NRF1: variants seen among roughly 807,000 people sequenced by gnomAD.
The protein encoded by NRF1 is alpha palindromic-binding protein.
Under a neutral mutation model 58.5 loss-of-function variants are expected in NRF1, and 5 were observed. The ratio of observed to expected loss-of-function variants is 0.09; its 90% confidence interval spans 0.04 to 0.18. The LOEUF is 0.18. NRF1 is among the 10% of genes least tolerant of loss of function. The pLI is 1.00. For synonymous variants in NRF1, 224 were observed against 246.7 expected, an observed-to-expected ratio of 0.91 and a Z score of 0.86; for missense variants, 288 against 657.7, an observed-to-expected ratio of 0.44 and a Z score of 6.15.
intron 9 of NRF1, 69 bp from the exon 10 acceptor site, chr7:129,727,172 G>A: frequency 6.8e-7 from 1 of 1,477,310 alleles, no homozygotes; most frequent in East Asian, 2.6e-5. Context: ...GGCATTGAAA[G>A]GATGGTTTGT....
intron 1 of NRF1, among the ~76,000 whole-genome samples, chr7:129,643,650 T>G (rs954195242): frequency 4.6e-5 from 7 of 152,222 alleles, no homozygotes; most frequent in African/African-American, 1.7e-4. Flanking sequence ...TATGTGTAGC[T>G]TCTGGTAAGC....
rs1477008624 is a variant in NRF1 at position 129,692,292 on chromosome 7, C to T, written c.606+1746C>T. Among the ~76,000 whole-genome samples the T allele has an allele frequency of 3.3e-5, 5 of 152,098 alleles. No homozygotes were observed. In the South Asian group the frequency reaches 6.2e-4, roughly 19 times the overall value. On this transcript the variant is annotated intron_variant, in intron 5 of 10. Coordinates refer to ENST00000393232, the MANE Select transcript of NRF1 (RefSeq NM_005011.5). Reference sequence around the variant, plus strand: ...TTTAAAAAACTTAAATCATGCCGGACGTTGTAGCTCATGCCTGTAATCAAG... The same window carrying T: ...TTTAAAAAACTTAAATCATGCCGGATGTTGTAGCTCATGCCTGTAATCAAG...
intron 5 of NRF1, among the ~76,000 whole-genome samples, chr7:129,707,710 T>C (rs1286044643): frequency 6.6e-6 from 1 of 152,144 alleles, no homozygotes; most frequent in Non-Finnish European, 1.5e-5. Flanking sequence ...ATATGGAGTG[T>C]ATTATATCAT....
intron 2 of NRF1, among the ~76,000 whole-genome samples, chr7:129,666,823 A>C (rs1469835867): frequency 6.6e-6 from 1 of 152,178 alleles, no homozygotes; most frequent in African/African-American, 2.4e-5. Flanking sequence ...GAGCCACCGC[A>C]TCCAGCCTGA....
chr7:129,629,426 A>G (rs1313297122), intron 1 of NRF1, among the ~76,000 whole-genome samples: 2 of 152,090 alleles, frequency 1.3e-5, no homozygotes, highest in East Asian at 3.9e-4. Context: ...TACAGCTGCC[A>G]CCACACGCCT....
chr7:129,717,145 T>C, intron 8 of NRF1, 74 bp from the exon 9 acceptor site: 1 of 1,454,550 alleles, frequency 6.9e-7, no homozygotes, highest in Non-Finnish European at 9.2e-7. Context: ...AAAGTAGCAA[T>C]TATTAGAAAA....
intron 10 of NRF1, among the ~76,000 whole-genome samples, chr7:129,752,045 C>G (rs1203259987): frequency 1.3e-5 from 2 of 152,180 alleles, no homozygotes; most frequent in Non-Finnish European, 2.9e-5. Context: ...TTGTGGCACA[C>G]TTTGTACTTC....
intron 10 of NRF1, among the ~76,000 whole-genome samples, chr7:129,740,795 C>G (rs932690903): frequency 6.6e-6 from 1 of 152,108 alleles, no homozygotes. Flanking sequence ...GGGGTGGCCT[C>G]GGGCATTCAT....
At chr7:129,661,430 A>G (rs2151077702) in intron 2 of NRF1, among the ~76,000 whole-genome samples, 1 of 151,184 alleles carries the variant, frequency 6.6e-6, no homozygotes, top group South Asian at 2.1e-4. Context: ...CTTCCCTTAT[A>G]AAACAATGCC....
intron 5 of NRF1, among the ~76,000 whole-genome samples, chr7:129,693,782 C>T (rs1802624796): frequency 6.6e-6 from 1 of 152,176 alleles, no homozygotes; most frequent in African/African-American, 2.4e-5. Flanking sequence ...AGAATCTACT[C>T]TGTCTCAGAT....
intron 9 of NRF1, among the ~76,000 whole-genome samples, chr7:129,723,309 G>A (rs933286826): frequency 6.6e-6 from 1 of 152,056 alleles, no homozygotes; most frequent in Admixed American, 6.5e-5. Context: ...CGGGCATGGT[G>A]GCGGGTGCCT....
At chr7:129,743,262 T>G (rs1308936173) in intron 10 of NRF1, among the ~76,000 whole-genome samples, 2 of 152,160 alleles carry the variant, frequency 1.3e-5, no homozygotes, top group African/African-American at 2.4e-5. Context: ...CTCCTTGGCC[T>G]TCTCCTAATT....
intron 10 of NRF1, among the ~76,000 whole-genome samples, chr7:129,732,213 G>A (rs1345954180): frequency 6.6e-6 from 1 of 152,172 alleles, no homozygotes; most frequent in Non-Finnish European, 1.5e-5. Context: ...TCCTATTGCA[G>A]CAAACGTAAT....
intron 4 of NRF1, among the ~76,000 whole-genome samples, chr7:129,683,985 A>G (rs750358720): frequency 3.9e-5 from 6 of 152,226 alleles, no homozygotes; most frequent in Non-Finnish European, 5.9e-5. Context: ...AACAAAAATG[A>G]TAACCAAAAA....
intron 8 of NRF1, among the ~76,000 whole-genome samples, chr7:129,716,941 A>G (rs1033290751): frequency 2.0e-5 from 3 of 151,948 alleles, no homozygotes; most frequent in Admixed American, 6.5e-5. Context: ...AACTCCTCTC[A>G]ACCCCACACA....
intron 4 of NRF1, among the ~76,000 whole-genome samples, chr7:129,684,724 C>T (rs1802405848): frequency 6.6e-6 from 1 of 152,116 alleles, no homozygotes; most frequent in South Asian, 2.1e-4. Flanking sequence ...GTGGGAGTTG[C>T]ATGCAATGTG....
intron 4 of NRF1, among the ~76,000 whole-genome samples, chr7:129,689,835 T>C (rs777467428): frequency 2.6e-5 from 4 of 152,218 alleles, no homozygotes; most frequent in Non-Finnish European, 5.9e-5. Context: ...TTACCAGTAG[T>C]GGCACTCAGC....
intron 4 of NRF1, among the ~76,000 whole-genome samples, chr7:129,688,272 G>A (rs1802485571): frequency 2.6e-5 from 4 of 152,038 alleles, no homozygotes; most frequent in Admixed American, 2.0e-4. Context: ...GACCACAGGT[G>A]CGCACTACCA....
At chr7:129,705,667 G>A (rs1261376915) in intron 5 of NRF1, among the ~76,000 whole-genome samples, 1 of 152,166 alleles carries the variant, frequency 6.6e-6, no homozygotes, top group Non-Finnish European at 1.5e-5. Context: ...TGAAATCCCA[G>A]CACTTTGGGT....
Sources: allele counts gnomAD v4.1 joint callset (sites outside exome capture counted in the v4.1 genomes callset), GRCh38; gene constraint gnomAD v4.1.1; transcripts MANE v1.5; gene names NCBI Gene and HGNC (gene_info 2026-07-23, HGNC 2026-07-21).